PLEKHG1: variants seen among roughly 807,000 people sequenced by gnomAD.
PLEKHG1 encodes pleckstrin homology domain-containing family G member 1.
PLEKHG1 carries 44 observed loss-of-function variants against 100.8 expected under a neutral mutation model. The observed-to-expected ratio is 0.44, with a 90% CI of 0.34 to 0.56. The LOEUF (loss-of-function observed/expected upper bound fraction) is 0.56, where lower values mean the gene tolerates loss of function less well. Ranked by LOEUF, PLEKHG1 falls within the 20% of genes least tolerant of loss-of-function variation. PLEKHG1 has a pLI of 0.01. For synonymous variants in PLEKHG1, 640 were observed against 662.5 expected, an observed-to-expected ratio of 0.97 and a Z score of 0.52; for missense variants, 1,545 against 1,720.9, an observed-to-expected ratio of 0.90 and a Z score of 1.81.
At chr6:150,747,089 A>G (rs1783204652) in intron 2 of PLEKHG1, among the ~76,000 whole-genome samples, 1 of 152,224 alleles carries the variant, frequency 6.6e-6, no homozygotes, top group Admixed American at 6.5e-5. Flanking sequence ...GCAAAATTCT[A>G]TTGGAGATTT....
At chr6:150,675,898 T>C (rs1432072809) in intron 3 of PLEKHG1, among the ~76,000 whole-genome samples, 1 of 152,220 alleles carries the variant, frequency 6.6e-6, no homozygotes, top group East Asian at 1.9e-4. Context: ...GCAGATATCA[T>C]TAAATACCTA....
exon 16 of PLEKHG1, chr6:150,840,560 T>C: frequency 6.2e-7 from 1 of 1,614,154 alleles, no homozygotes; most frequent in Non-Finnish European, 8.5e-7. Context: ...AAGAGACTGA[T>C]GGAGATGAAG....
intron 10 of PLEKHG1, among the ~76,000 whole-genome samples, chr6:150,816,326 CTTTTTTTT>C (rs1173343082): frequency 2.7e-4 from 11 of 41,132 alleles, no homozygotes; most frequent in South Asian, 3.5e-3. Flanking sequence ...CTCAAACATA[CTTTTTTTT>C]TTTTTTTTTT....
At chr6:150,828,110 C>T in intron 14 of PLEKHG1, 1 of 1,613,218 alleles carries the variant, frequency 6.2e-7, no homozygotes, top group Non-Finnish European at 8.5e-7. Context: ...TTATCAAAGC[C>T]ATTTCAACAA....
intron 3 of PLEKHG1, among the ~76,000 whole-genome samples, chr6:150,667,089 G>GGT (rs1379411464): frequency 5.9e-5 from 9 of 151,590 alleles, no homozygotes; most frequent in Non-Finnish European, 1.2e-4. Flanking sequence ...TCCAAAAGGG[G>GGT]GTGTGTGTGT....
chr6:150,659,561 C>T (rs765714983), intron 3 of PLEKHG1, among the ~76,000 whole-genome samples: 1 of 152,204 alleles, frequency 6.6e-6, no homozygotes, highest in Non-Finnish European at 1.5e-5. Context: ...ATAGTGAGTG[C>T]CTGGCCCTTG....
intron 3 of PLEKHG1, among the ~76,000 whole-genome samples, chr6:150,716,001 G>C (rs1451410067): frequency 1.3e-5 from 2 of 148,830 alleles, no homozygotes; most frequent in African/African-American, 4.9e-5. Context: ...CCAGCTACTC[G>C]GGAGGCTGAG....
intron 1 of PLEKHG1, among the ~76,000 whole-genome samples, chr6:150,614,958 C>T (rs866970941): frequency 2.0e-5 from 3 of 152,238 alleles, no homozygotes; most frequent in Middle Eastern, 3.4e-3. Context: ...GATTGTATCA[C>T]CTCTCTGAAA....
At chr6:150,716,107 CAAA>C (rs10592056), upstream of PLEKHG1, among the ~76,000 whole-genome samples, 46 of 137,292 alleles carry the variant, frequency 3.4e-4, no homozygotes, top group Non-Finnish European at 3.3e-4. Flanking sequence ...GACTCCGTCT[CAAA>C]AAAAAAAAAA....
chr6:150,773,556 A>C (rs1334441490), intron 3 of PLEKHG1, among the ~76,000 whole-genome samples: 1 of 152,146 alleles, frequency 6.6e-6, no homozygotes, highest in Non-Finnish European at 1.5e-5. Context: ...TAAAAATAAC[A>C]AGACTTACAC....
intron 10 of PLEKHG1, among the ~76,000 whole-genome samples, chr6:150,815,623 T>A (rs62432672): frequency 0.065 from 9,875 of 152,294 alleles, 466 homozygotes; most frequent in African/African-American, 0.12. Context: ...GAGAGATAGC[T>A]ATCAGGTTAC....
chr6:150,787,149 C>A (rs1241951210), intron 4 of PLEKHG1, among the ~76,000 whole-genome samples: 1 of 151,632 alleles, frequency 6.6e-6, no homozygotes, highest in Non-Finnish European at 1.5e-5. Flanking sequence ...AAATATTTTA[C>A]GTATAATATA....
intron 1 of PLEKHG1, among the ~76,000 whole-genome samples, chr6:150,635,911 T>C (rs1265421273): frequency 6.6e-6 from 1 of 152,230 alleles, no homozygotes; most frequent in Non-Finnish European, 1.5e-5. Context: ...GTGTTGATTA[T>C]ATGCTTGGTA....
chr6:150,752,489 G>A (rs1030809028), intron 2 of PLEKHG1, among the ~76,000 whole-genome samples: 7 of 152,052 alleles, frequency 4.6e-5, no homozygotes, highest in African/African-American at 1.4e-4. Flanking sequence ...TCTACTTTCT[G>A]TCTCTCTGAA....
At position 150,779,346 on chromosome 6, in the gene PLEKHG1, T is replaced by TTGTTTTTTTTTTG. The variant is rs538911050; in HGVS notation, c.513-7043_513-7042insGTTTTTTTTTTGT. 6.0e-5 allele frequency among the ~76,000 whole-genome samples: 8 copies of TTGTTTTTTTTTTG among 134,444 alleles called. No homozygotes were observed. The East Asian group carries it at 6.6e-4, about 11-fold the overall frequency. The allele number at this position is 134,444 out of a possible 152,430, so 88.2% of individuals were successfully genotyped here. ...AGGGGGTTAAATATTGTCAAGAAGT[T>TTGTTTTTTTTTTG]TTTTTTTTTTTTTTTTTGAGACAGA... On this transcript the variant is annotated intron_variant, in intron 3 of 15. Transcript: ENST00000358517.
chr6:150,779,906 T>G (rs1583113474), intron 3 of PLEKHG1, among the ~76,000 whole-genome samples: 1 of 148,172 alleles, frequency 6.7e-6, no homozygotes, highest in Non-Finnish European at 1.5e-5. Flanking sequence ...GAGGTTGCAG[T>G]GAGCCGAGAT....
chr6:150,637,221 G>A (rs911191806), intron 1 of PLEKHG1, among the ~76,000 whole-genome samples: 1 of 152,136 alleles, frequency 6.6e-6, no homozygotes, highest in Non-Finnish European at 1.5e-5. Context: ...TATTCACTGC[G>A]GAGCCGAGTA....
At chr6:150,716,030 C>T (rs1781420588) in intron 3 of PLEKHG1, among the ~76,000 whole-genome samples, 1 of 148,858 alleles carries the variant, frequency 6.7e-6, no homozygotes. Flanking sequence ...ATGGCGTGAA[C>T]CCGGGAGGCG....
At chr6:150,811,003 C>G (rs1028416763) in intron 10 of PLEKHG1, among the ~76,000 whole-genome samples, 1 of 151,630 alleles carries the variant, frequency 6.6e-6, no homozygotes, top group African/African-American at 2.4e-5. Context: ...AAAAGAAGAT[C>G]AAGTTATGAG....
Sources: gnomAD v4.1 joint callset for allele counts (sites outside exome capture counted in the v4.1 genomes callset) on GRCh38, gnomAD v4.1.1 for gene constraint, MANE v1.5 for transcripts, NCBI Gene and HGNC (gene_info 2026-07-23, HGNC 2026-07-21) for gene names.